SPAG16: variants seen among roughly 807,000 people sequenced by gnomAD.
SPAG16 encodes sperm-associated antigen 16 protein.
Under a neutral mutation model 80.4 loss-of-function variants are expected in SPAG16, and 86 were observed. That is an observed-to-expected ratio of 1.07 (90% confidence interval 0.90 to 1.28). The LOEUF (loss-of-function observed/expected upper bound fraction) is 1.28. Among genes scored for constraint, SPAG16 ranks in the 50% most tolerant of loss-of-function variants. SPAG16 has a pLI of 0.00. For synonymous variants in SPAG16, 294 were observed against 265.9 expected (o/e 1.11, Z -1.03); for missense variants, 870 against 765.3 (o/e 1.14, Z -1.61).
intron 10 of SPAG16, among the ~76,000 whole-genome samples, chr2:213,720,191 TG>T (rs1287717626): frequency 6.6e-6 from 1 of 152,074 alleles, no homozygotes; most frequent in Non-Finnish European, 1.5e-5. Flanking sequence ...TTTCGGGGGC[TG>T]GGGATCTAGG....
intron 12 of SPAG16, among the ~76,000 whole-genome samples, chr2:213,975,115 A>G (rs2045299624): frequency 6.6e-6 from 1 of 151,270 alleles, no homozygotes; most frequent in Admixed American, 6.6e-5. Context: ...TATTCATACA[A>G]TAGTAGATAT....
intron 12 of SPAG16, among the ~76,000 whole-genome samples, chr2:213,976,819 TTTTGTTTG>T (rs376198526): frequency 3.9e-5 from 6 of 151,996 alleles, no homozygotes; most frequent in Non-Finnish European, 7.4e-5. Context: ...TTGGAAGTGG[TTTTGTTTG>T]TTTGTTTGTT....
intron 15 of SPAG16, among the ~76,000 whole-genome samples, chr2:214,317,546 A>G (rs1405772456): frequency 6.6e-6 from 1 of 152,264 alleles, no homozygotes; most frequent in African/African-American, 2.4e-5. Flanking sequence ...GACTACAAAC[A>G]TACTAGTAAT....
chr2:214,282,221 TC>T (rs1463043179), intron 15 of SPAG16, among the ~76,000 whole-genome samples: 1 of 152,012 alleles, frequency 6.6e-6, no homozygotes, highest in Non-Finnish European at 1.5e-5. Flanking sequence ...CATTTAGAAA[TC>T]CAAAATATCA....
chr2:214,147,604 C>T lies in SPAG16; in HGVS notation c.1594-1536C>T, dbSNP rs951586700. Among the ~76,000 whole-genome samples, 15 of 152,226 alleles carry T rather than the reference C, an allele frequency of 9.9e-5. 1 individual carries two copies. The highest frequency in any genetic ancestry group is 6.8e-3 in the Middle Eastern group (2 of 294). On this transcript the variant is annotated intron_variant, in intron 14 of 15. Transcript: ENST00000331683. ...AATTTCTAACATTAATATTCCTTGC[C>T]GATACTGAGAACTGTTCTTTCCTTT... is the stretch of plus-strand genomic sequence containing the variant.
intron 10 of SPAG16, among the ~76,000 whole-genome samples, chr2:213,767,803 T>C (rs1166119976): frequency 1.3e-5 from 2 of 152,172 alleles, no homozygotes; most frequent in Admixed American, 1.3e-4. Context: ...CAAATTAATG[T>C]GACATTTATT....
At chr2:213,799,625 G>A (rs903221060) in intron 10 of SPAG16, among the ~76,000 whole-genome samples, 1 of 151,982 alleles carries the variant, frequency 6.6e-6, no homozygotes, top group Non-Finnish European at 1.5e-5. Context: ...ACAATACAAT[G>A]TGCCTTCTGT....
At chr2:214,200,507 T>C (rs1043453223) in intron 15 of SPAG16, among the ~76,000 whole-genome samples, 1 of 152,124 alleles carries the variant, frequency 6.6e-6, no homozygotes, top group Admixed American at 6.6e-5. Flanking sequence ...GTTGAGGACT[T>C]TTGCATCTAT....
chr2:213,341,553 G>A (rs1425884774), intron 6 of SPAG16, among the ~76,000 whole-genome samples: 2 of 151,980 alleles, frequency 1.3e-5, no homozygotes, highest in Admixed American at 6.6e-5. Context: ...GCTTTTTAGA[G>A]TCAGACTCTC....
At chr2:213,934,955 C>G (rs547136344) in intron 12 of SPAG16, among the ~76,000 whole-genome samples, 4 of 152,236 alleles carry the variant, frequency 2.6e-5, no homozygotes, top group African/African-American at 9.6e-5. Context: ...GTAATCCCAG[C>G]AGTTTGGGAG....
chr2:213,440,357 G>A (rs2070868774), intron 9 of SPAG16, among the ~76,000 whole-genome samples: 1 of 152,020 alleles, frequency 6.6e-6, no homozygotes, highest in Admixed American at 6.6e-5. Flanking sequence ...AGACCATCCT[G>A]GCTAACACAG....
intron 12 of SPAG16, among the ~76,000 whole-genome samples, chr2:213,949,149 G>C (rs1439759900): frequency 3.3e-5 from 4 of 121,292 alleles, no homozygotes; most frequent in Admixed American, 8.7e-5. Context: ...AAGGAGCAGA[G>C]ACACTACTTA....
intron 10 of SPAG16, among the ~76,000 whole-genome samples, chr2:213,653,857 C>A (rs1290616720): frequency 6.6e-6 from 1 of 152,016 alleles, no homozygotes; most frequent in Non-Finnish European, 1.5e-5. Flanking sequence ...ACATACAGTT[C>A]ACATATAGTT....
rs548541942 is a variant in SPAG16 at position 213,432,194 on chromosome 2, A to G, written c.942+57075A>G. On this transcript the variant is annotated intron_variant, in intron 9 of 15. Coordinates refer to ENST00000331683, the MANE Select transcript of SPAG16 (RefSeq NM_024532.5). ...CACATTTGAAGGAACTAGAAAATCA[A>G]GATCAAACCAAATCCAAAGGTGGCA... is the stretch of plus-strand genomic sequence containing the variant. Among the ~76,000 whole-genome samples, 11 of 152,286 alleles carry G rather than the reference A, an allele frequency of 7.2e-5. 1 individual carries two copies. Among genetic ancestry groups the G allele is most frequent in the African/African-American group, 2.6e-4 (11 of 41,586 alleles).
chr2:214,126,963 G>A (rs1416715910), intron 14 of SPAG16, among the ~76,000 whole-genome samples: 1 of 151,816 alleles, frequency 6.6e-6, no homozygotes, highest in Non-Finnish European at 1.5e-5. Context: ...ATTTTTTGTA[G>A]TAAGTTCTCT....
intron 6 of SPAG16, among the ~76,000 whole-genome samples, chr2:213,340,864 A>G (rs67591422): frequency 0.39 from 59,392 of 151,934 alleles, 12,332 homozygotes; most frequent in East Asian, 0.67. Flanking sequence ...TACAATCCTT[A>G]AATAAAATTA....
intron 15 of SPAG16, among the ~76,000 whole-genome samples, chr2:214,297,839 T>C (rs980882105): frequency 9.3e-5 from 14 of 150,164 alleles, no homozygotes; most frequent in Non-Finnish European, 1.3e-4. Context: ...TTTTTTTTGG[T>C]TTTGTATGAA....
chr2:213,449,084 T>C (rs1559143903), intron 9 of SPAG16, among the ~76,000 whole-genome samples: 1 of 152,080 alleles, frequency 6.6e-6, no homozygotes, highest in African/African-American at 2.4e-5. Flanking sequence ...AATGTGTTCC[T>C]GGGGGGAGGT....
At position 214,108,245 on chromosome 2, in the gene SPAG16, C is replaced by A; in HGVS notation, c.1577C>A (p.Ala526Asp). The change falls in exon 14 of 16, where the codon GCC (alanine) becomes GAC (aspartate). Residue 526 changes from alanine (A) to aspartate (D), a missense_variant. By Grantham distance (126) the Ala-to-Asp change is moderately radical. Transcript: ENST00000331683. Reference protein sequence around the residue: ...LYGHMHSINDAIFDPRGHMIA... With the variant: ...LYGHMHSINDDIFDPRGHMIA... ...GGTCACATGCATTCTATCAATGATG[C>A]CATTTTTGATCCCAGGGTAAGTTCA... The A allele has an allele frequency of 6.2e-7, 1 of 1,600,658 alleles. No homozygotes were observed.
Sources: gnomAD v4.1 joint callset for allele counts (sites outside exome capture counted in the v4.1 genomes callset) on GRCh38, gnomAD v4.1.1 for gene constraint, MANE v1.5 for transcripts, NCBI Gene and HGNC (gene_info 2026-07-23, HGNC 2026-07-21) for gene names.